RGS6: variants seen among roughly 807,000 people sequenced by gnomAD.
RGS6 encodes the protein regulator of G protein signaling 6.
A neutral mutation model predicts 78.5 loss-of-function variants in RGS6; 30 were observed. The observed-to-expected ratio is 0.38, with a 90% confidence interval of 0.29 to 0.52. The LOEUF is 0.52. Ranked by LOEUF, RGS6 falls within the 20% of genes least tolerant of loss-of-function variation. The pLI is 0.85. For missense variants in RGS6, 495 were observed against 609.7 expected, an observed-to-expected ratio of 0.81 and a Z score of 1.98; for synonymous variants, 206 against 206.0, an observed-to-expected ratio of 1.00 and a Z score of 0.00.
intron 7 of RGS6, among the ~76,000 whole-genome samples, chr14:72,468,876 C>T (rs374787631): frequency 1.3e-5 from 2 of 152,170 alleles, no homozygotes; most frequent in South Asian, 4.1e-4. Flanking sequence ...TGGGTGATAA[C>T]TGTGAGCTCA....
chr14:72,143,082 A>C (rs2096561909), intron 2 of RGS6, among the ~76,000 whole-genome samples: 1 of 152,154 alleles, frequency 6.6e-6, no homozygotes, highest in Admixed American at 6.5e-5. Flanking sequence ...TAAAGAAGAC[A>C]ACTGGCTGGG....
At chr14:72,621,650 G>T in the RGS6 span, among the ~76,000 whole-genome samples, 1 of 152,206 alleles carries the variant, frequency 6.6e-6, no homozygotes, top group Non-Finnish European at 1.5e-5. Context: ...GATACCCAGT[G>T]GGGGAGAGGT....
chr14:72,014,822 C>T (rs1045073016), intron 2 of RGS6, among the ~76,000 whole-genome samples: 2 of 152,232 alleles, frequency 1.3e-5, no homozygotes, highest in South Asian at 2.1e-4. Context: ...CTAAACACCC[C>T]CCGCTTCCCT....
rs150922646 is a variant in RGS6, at chr14:72,501,800, G to A, written c.965+6538G>A. On this transcript the variant is annotated intron_variant, in intron 13 of 17. Transcript: ENST00000553525. Reference sequence around the variant, plus strand: ...AGCTCTCCCTCTCTGCTGGGTATCAGGCACATGAGCAAAGAGCTACAAGGA... The same window carrying A: ...AGCTCTCCCTCTCTGCTGGGTATCAAGCACATGAGCAAAGAGCTACAAGGA... Among the ~76,000 whole-genome samples, 365 of 152,334 alleles carry A rather than the reference G, an allele frequency of 2.4e-3. 3 individuals carry two copies. The highest frequency in any genetic ancestry group is 7.9e-3 in the African/African-American group (328 of 41,564).
At chr14:71,949,162 G>A (rs1337907740) in intron 1 of RGS6, among the ~76,000 whole-genome samples, 2 of 152,148 alleles carry the variant, frequency 1.3e-5, no homozygotes, top group Non-Finnish European at 2.9e-5. Context: ...ATATGAATGT[G>A]TTTCTGTTTG....
chr14:72,540,871 C>A (rs905299404), intron 17 of RGS6: 2 of 985,298 alleles, frequency 2.0e-6, no homozygotes, highest in African/African-American at 3.5e-5. Flanking sequence ...GAGCTCCCCA[C>A]AGTGGCACAT....
intron 12 of RGS6, among the ~76,000 whole-genome samples, chr14:72,489,038 A>G (rs1043792318): frequency 6.6e-6 from 1 of 152,228 alleles, no homozygotes; most frequent in Non-Finnish European, 1.5e-5. Flanking sequence ...ATTAATTAAA[A>G]GAGGTCCTAC....
intron 2 of RGS6, among the ~76,000 whole-genome samples, chr14:72,114,047 CCCAGAGATAATCAGG>C (rs1404938232): frequency 1.7e-4 from 26 of 152,144 alleles, no homozygotes; most frequent in Admixed American, 1.5e-3. Context: ...AGGACTTCTA[CCCAGAGATAATCAGG>C]TCTGAGGACT....
At chr14:72,361,495 T>TTAGATGGTGGC (rs1360791587) in intron 3 of RGS6, among the ~76,000 whole-genome samples, 12 of 152,182 alleles carry the variant, frequency 7.9e-5, no homozygotes, top group African/African-American at 2.7e-4. Flanking sequence ...TAGATGGTGA[T>TTAGATGGTGGC]TAGATGGTGG....
intron 2 of RGS6, among the ~76,000 whole-genome samples, chr14:72,343,573 G>C (rs2077425948): frequency 1.3e-5 from 2 of 152,124 alleles, no homozygotes; most frequent in South Asian, 4.2e-4. Flanking sequence ...TCTCTTTTGG[G>C]GGAACATTTT....
At chr14:72,302,706 G>A (rs1011115137) in intron 2 of RGS6, among the ~76,000 whole-genome samples, 9 of 147,392 alleles carry the variant, frequency 6.1e-5, no homozygotes, top group Non-Finnish European at 1.0e-4. Context: ...ACACACACAC[G>A]GACACATAAC....
At chr14:72,325,247 A>G (rs1435342642) in intron 2 of RGS6, among the ~76,000 whole-genome samples, 1 of 152,086 alleles carries the variant, frequency 6.6e-6, no homozygotes, top group Non-Finnish European at 1.5e-5. Context: ...TAGATTCTGG[A>G]TATTAGCCCT....
chr14:72,233,963 C>T (rs2050326599), intron 2 of RGS6, among the ~76,000 whole-genome samples: 1 of 152,046 alleles, frequency 6.6e-6, no homozygotes, highest in African/African-American at 2.4e-5. Flanking sequence ...ATTCTAATCA[C>T]ATCATTTGGG....
At chr14:72,627,602 T>C in the RGS6 span, among the ~76,000 whole-genome samples, 1 of 152,132 alleles carries the variant, frequency 6.6e-6, no homozygotes, top group Non-Finnish European at 1.5e-5. Context: ...CCATCACAGT[T>C]TGTTTATCAG....
chr14:72,328,932 C>A (rs936899532), intron 2 of RGS6, among the ~76,000 whole-genome samples: 1 of 152,186 alleles, frequency 6.6e-6, no homozygotes, highest in African/African-American at 2.4e-5. Flanking sequence ...AGTGCAATGG[C>A]ACGATCTTGG....
chr14:72,077,059 T>C (rs2094603668), intron 2 of RGS6, among the ~76,000 whole-genome samples: 2 of 151,322 alleles, frequency 1.3e-5, no homozygotes, highest in Non-Finnish European at 2.9e-5. Context: ...CCAATTTACA[T>C]TCCTGTAACA....
chr14:72,271,999 A>C (rs1383335118), intron 2 of RGS6, among the ~76,000 whole-genome samples: 1 of 149,822 alleles, frequency 6.7e-6, no homozygotes, highest in Non-Finnish European at 1.5e-5. Context: ...ATAATCGAGG[A>C]TAATCTTCCT....
At chr14:72,255,333 C>A (rs1435804216) in intron 2 of RGS6, among the ~76,000 whole-genome samples, 1 of 152,146 alleles carries the variant, frequency 6.6e-6, no homozygotes, top group Non-Finnish European at 1.5e-5. Flanking sequence ...ACTTGGTTGA[C>A]TCCTCAAGAA....
intron 3 of RGS6, among the ~76,000 whole-genome samples, chr14:72,410,420 T>A (rs971848836): frequency 6.6e-6 from 1 of 152,196 alleles, no homozygotes; most frequent in Non-Finnish European, 1.5e-5. Context: ...GGGTTGTTTG[T>A]TTTTTTCTTG....
Sources: allele counts gnomAD v4.1 joint callset (sites outside exome capture counted in the v4.1 genomes callset), GRCh38; gene constraint gnomAD v4.1.1; transcripts MANE v1.5; gene names NCBI Gene and HGNC (gene_info 2026-07-23, HGNC 2026-07-21).